IGFL2: variants seen among roughly 807,000 people sequenced by gnomAD.
IGFL2 encodes insulin growth factor-like family member 2.
Under a neutral mutation model 13.9 loss-of-function variants are expected in IGFL2, and 7 were observed. The ratio of observed to expected loss-of-function variants is 0.51; its 90% CI spans 0.29 to 0.95. The LOEUF is 0.95. Ranked by LOEUF, IGFL2 falls within the 40% of genes least tolerant of loss-of-function variation. The pLI is 0.08. For missense variants in IGFL2, 138 were observed against 147.8 expected (o/e 0.93, Z 0.34); for synonymous variants, 55 against 55.8 (o/e 0.99, Z 0.07).
At chr19:46,180,092 C>G in the IGFL2 span, among the ~76,000 whole-genome samples, 2 of 152,124 alleles carry the variant, frequency 1.3e-5, no homozygotes, top group South Asian at 4.2e-4. Flanking sequence ...AATGGAGTTT[C>G]GTATTCAGAC....
chr19:46,177,947 C>T, the IGFL2 span, among the ~76,000 whole-genome samples: 1 of 152,120 alleles, frequency 6.6e-6, no homozygotes, highest in Non-Finnish European at 1.5e-5. Flanking sequence ...TCCCTTCCCT[C>T]TTGGAGTTTA....
At chr19:46,163,794 C>T (rs1974268600), downstream of IGFL2, 1 of 152,394 alleles carries the variant, frequency 6.6e-6, no homozygotes. Flanking sequence ...GTCCTCTTTT[C>T]TGTAGGGCTG....
the IGFL2 span, chr19:46,113,418 A>T: frequency 2.5e-6 from 1 of 404,586 alleles, no homozygotes. Context: ...GGAAACTTCC[A>T]TTTTGACTGA....
chr19:46,192,810 G>A, the IGFL2 span, among the ~76,000 whole-genome samples: 1 of 152,116 alleles, frequency 6.6e-6, no homozygotes, highest in Non-Finnish European at 1.5e-5. Context: ...GTATTATTGT[G>A]GTATAGTAAT....
the IGFL2 span, among the ~76,000 whole-genome samples, chr19:46,090,050 T>A: frequency 6.6e-6 from 1 of 152,110 alleles, no homozygotes; most frequent in South Asian, 2.1e-4. Flanking sequence ...TATTTTTTTC[T>A]TTTTTCCCCT....
chr19:46,135,752 C>T, the IGFL2 span, among the ~76,000 whole-genome samples: 2,886 of 152,318 alleles, frequency 0.019, 88 homozygotes, highest in African/African-American at 0.066. Flanking sequence ...CATCCCACTG[C>T]CTTTGACTCC....
the IGFL2 span, among the ~76,000 whole-genome samples, chr19:46,089,753 T>A: frequency 6.6e-6 from 1 of 152,106 alleles, no homozygotes; most frequent in African/African-American, 2.4e-5. Flanking sequence ...TGTTATTTGC[T>A]TCTTTTTTCT....
chr19:46,083,555 G>A, the IGFL2 span, among the ~76,000 whole-genome samples: 1 of 152,170 alleles, frequency 6.6e-6, no homozygotes, highest in Non-Finnish European at 1.5e-5. Flanking sequence ...AACCATGGCT[G>A]TATAATCTCT....
the IGFL2 span, among the ~76,000 whole-genome samples, chr19:46,193,552 A>C: frequency 6.6e-6 from 1 of 152,204 alleles, no homozygotes; most frequent in Non-Finnish European, 1.5e-5. Flanking sequence ...TTTCAGTAAA[A>C]AGATGAAAAT....
upstream of IGFL2, chr19:46,148,179 C>T (rs1973240027): frequency 7.5e-6 from 8 of 1,068,592 alleles, no homozygotes; most frequent in Non-Finnish European, 1.1e-5. Context: ...CTTCTGGGCA[C>T]CTCCCTAAAT....
At chr19:46,153,957 AG>A (rs777869284) in intron 1 of IGFL2, among the ~76,000 whole-genome samples, 2 of 151,812 alleles carry the variant, frequency 1.3e-5, no homozygotes, top group Admixed American at 6.6e-5. Context: ...CGCATGCATT[AG>A]GTATTTGTCC....
the IGFL2 span, among the ~76,000 whole-genome samples, chr19:46,085,486 A>T: frequency 3.3e-5 from 5 of 152,264 alleles, no homozygotes; most frequent in Non-Finnish European, 7.4e-5. Context: ...TGTTTGCTTG[A>T]TAGATCTTTC....
At chr19:46,116,877 C>T in the IGFL2 span, among the ~76,000 whole-genome samples, 1 of 152,110 alleles carries the variant, frequency 6.6e-6, no homozygotes, top group African/African-American at 2.4e-5. Context: ...TAAATCTTTT[C>T]ACACTCGAAT....
chr19:46,198,069 TTCC>T, the IGFL2 span: 1 of 136,260 alleles, frequency 7.3e-6, no homozygotes, highest in African/African-American at 2.7e-5. Flanking sequence ...CTTTCCTTCC[TTCC>T]TTCCTTCCTT....
At chr19:46,145,007 G>A (rs1042067162), upstream of IGFL2, among the ~76,000 whole-genome samples, 7 of 151,836 alleles carry the variant, frequency 4.6e-5, no homozygotes, top group Admixed American at 1.3e-4. Context: ...TGTGTACCAC[G>A]GTGTGTCTCC....
At chr19:46,200,322 T>C in the IGFL2 span, among the ~76,000 whole-genome samples, 7 of 151,780 alleles carry the variant, frequency 4.6e-5, no homozygotes, top group African/African-American at 1.7e-4. Context: ...CCCATGACAT[T>C]ATGCCCGGCT....
the IGFL2 span, among the ~76,000 whole-genome samples, chr19:46,102,798 G>A: frequency 2.6e-5 from 4 of 152,108 alleles, no homozygotes; most frequent in Non-Finnish European, 5.9e-5. Flanking sequence ...ACAAAATAGC[G>A]GTGAAGTGTT....
intron 1 of IGFL2, 101 bp from the exon 2 acceptor site, chr19:46,160,314 A>C: frequency 2.0e-6 from 2 of 991,088 alleles, no homozygotes; most frequent in Non-Finnish European, 3.1e-6. Flanking sequence ...TTTAGAGCTA[A>C]TCTGGAACTA....
chr19:46,160,776 G>T lies in IGFL2; in HGVS notation c.236G>T (p.Cys79Phe). Residue 79 changes from cysteine (C) to phenylalanine (F), a missense_variant, in exon 3 of 4, where the codon TGC becomes TTC. Physicochemically the swap from Cys to Phe is radical, Grantham distance 205 (BLOSUM62 -2). Transcript: ENST00000377693. Reference sequence around the variant, plus strand: ...ACCTTCTGGCCCTGCTTTGAGCTCTGCTGTCTTGATTCCTTTGGCCTCACA... The same window carrying T: ...ACCTTCTGGCCCTGCTTTGAGCTCTTCTGTCTTGATTCCTTTGGCCTCACA... ...PCTFWPCFEL[C>F]CLDSFGLTND... 2 of 1,614,160 alleles carry T rather than the reference G, an allele frequency of 1.2e-6. No homozygotes were observed. The highest frequency in any genetic ancestry group is 1.7e-6 in the Non-Finnish European group (2 of 1,180,008).
Sources: allele counts gnomAD v4.1 joint callset (sites outside exome capture counted in the v4.1 genomes callset), GRCh38; gene constraint gnomAD v4.1.1; transcripts MANE v1.5; gene names NCBI Gene and HGNC (gene_info 2026-07-23, HGNC 2026-07-21).